SASH1: variants seen among roughly 807,000 people sequenced by gnomAD.
SASH1 encodes SAM and SH3 domain-containing protein 1.
Under a neutral mutation model 125.2 loss-of-function variants are expected in SASH1, and 44 were observed. The ratio of observed to expected loss-of-function variants is 0.35; its 90% CI spans 0.28 to 0.45. The LOEUF (loss-of-function observed/expected upper bound fraction) is 0.45. SASH1 is among the 20% of genes least tolerant of loss of function. SASH1 has a pLI of 1.00. For synonymous variants in SASH1, 639 were observed against 649.1 expected, an observed-to-expected ratio of 0.98 and a Z score of 0.24; for missense variants, 1,426 against 1,614.5, an observed-to-expected ratio of 0.88 and a Z score of 2.00.
intron 2 of SASH1, among the ~76,000 whole-genome samples, chr6:148,410,781 A>G (rs763950105): frequency 6.6e-6 from 1 of 152,202 alleles, no homozygotes; most frequent in Non-Finnish European, 1.5e-5. Context: ...AGTTGTAAGG[A>G]GGACCTCACT....
At chr6:148,408,573 A>G (rs1784474045) in intron 2 of SASH1, among the ~76,000 whole-genome samples, 1 of 152,206 alleles carries the variant, frequency 6.6e-6, no homozygotes, top group Non-Finnish European at 1.5e-5. Flanking sequence ...CATTCTGGAT[A>G]TGAATCCCTT....
the SASH1 span, among the ~76,000 whole-genome samples, chr6:148,244,025 T>C: frequency 6.6e-6 from 1 of 152,224 alleles, no homozygotes; most frequent in African/African-American, 2.4e-5. Context: ...CTGATGAGAT[T>C]GGTTTCTGAG....
chr6:148,390,743 A>G (rs9498033), intron 2 of SASH1, among the ~76,000 whole-genome samples: 10 of 151,512 alleles, frequency 6.6e-5, no homozygotes, highest in Middle Eastern at 6.8e-3. Context: ...AGCCAAGATC[A>G]CGCCACTGCA....
chr6:148,430,320 A>G (rs1776010805), intron 2 of SASH1, among the ~76,000 whole-genome samples: 2 of 152,112 alleles, frequency 1.3e-5, no homozygotes, highest in African/African-American at 2.4e-5. Context: ...TTGTGTTTCC[A>G]TGAAAGATTT....
intron 1 of SASH1, among the ~76,000 whole-genome samples, chr6:148,370,512 T>C (rs964628654): frequency 1.3e-5 from 2 of 152,162 alleles, no homozygotes; most frequent in Non-Finnish European, 2.9e-5. Flanking sequence ...CTTTGGAGTC[T>C]CATGCTTTTT....
Position 148,544,648 on chromosome 6 carries a change from T to G in SASH1, c.3178T>G (p.Trp1060Gly), listed in dbSNP as rs1254556670. ...CCCACCAAGCACAAGGCCGCCCCCC[T>G]GGCTCTCAGAGCTCCCCGAGAACAC... ...GSPPSTRPPP[W>G]LSELPENTSL... is the part of the protein sequence containing the mutation. The change falls in exon 18 of 20, where the codon TGG becomes GGG. Residue 1060 changes from tryptophan (W) to glycine (G), a missense_variant. Transcript: ENST00000367467. This position sits in a 1 kb window ranked among gnomAD's most constrained non-coding sequence, Gnocchi z 6.4. 1.9e-6 allele frequency: 3 copies of G among 1,613,270 alleles called. No individual in the cohort carries two copies. Among genetic ancestry groups the G allele is most frequent in the Non-Finnish European group, 2.5e-6 (3 of 1,179,762 alleles).
At chr6:148,344,755 C>CTT (rs762490919) in intron 1 of SASH1, among the ~76,000 whole-genome samples, 4 of 143,538 alleles carry the variant, frequency 2.8e-5, no homozygotes, top group Middle Eastern at 7.1e-3. Flanking sequence ...TTTTTCTTTT[C>CTT]TTTTTTTTTT....
intron 9 of SASH1, 23 bp downstream of exon 9, chr6:148,514,479 A>AG (rs1279638072): frequency 2.8e-6 from 4 of 1,407,676 alleles, no homozygotes; most frequent in Non-Finnish European, 3.7e-6. Flanking sequence ...AAAAAAAAAA[A>AG]AAAAAAAGGC....
chr6:148,471,308 T>A, intron 5 of SASH1, 109 bp from the exon 6 acceptor site: 1 of 683,226 alleles, frequency 1.5e-6, no homozygotes, highest in South Asian at 2.0e-5. Context: ...GAAATCAAAG[T>A]ATTCCTACCA....
At chr6:148,297,501 A>C (rs898951335) in intron 1 of SASH1, among the ~76,000 whole-genome samples, 4 of 152,352 alleles carry the variant, frequency 2.6e-5, no homozygotes, top group African/African-American at 7.2e-5. Flanking sequence ...TTTTTAACAT[A>C]CATCCATCCT....
intron 8 of SASH1, 164 bp from the exon 9 acceptor site, chr6:148,514,160 G>T: frequency 1.4e-6 from 2 of 1,414,358 alleles, no homozygotes; most frequent in Non-Finnish European, 1.8e-6. Context: ...TCTTAAGATG[G>T]TATGTGGCAC....
chr6:148,211,585 A>G, the SASH1 span, among the ~76,000 whole-genome samples: 2 of 152,120 alleles, frequency 1.3e-5, no homozygotes, highest in African/African-American at 2.4e-5. Flanking sequence ...GGAAAAAAAA[A>G]AAAAGCACTA....
intron 1 of SASH1, among the ~76,000 whole-genome samples, chr6:148,307,051 TC>T (rs2128516618): frequency 7.1e-6 from 1 of 141,314 alleles, no homozygotes; most frequent in Admixed American, 7.2e-5. Context: ...TTTCTTTCTT[TC>T]TTTCTTTCTT....
chr6:148,458,983 TAC>T (rs71004297), intron 4 of SASH1, among the ~76,000 whole-genome samples: 34,361 of 137,604 alleles, frequency 0.25, 4,255 homozygotes, highest in Middle Eastern at 0.39. Flanking sequence ...AAAAAAAGTA[TAC>T]ACACACACAC....
chr6:148,424,244 T>TG lies in SASH1; in HGVS notation c.286-15931dup, dbSNP rs1490192238. ...TCTTGTTCTTCTTCTTTTTTTTTTTTGGGGGGGGGAGGTGGGACAGGGTCT... is the reference window on the plus strand; with the variant it reads ...TCTTGTTCTTCTTCTTTTTTTTTTTTGGGGGGGGGGAGGTGGGACAGGGTCT... On this transcript the variant is annotated intron_variant, in intron 2 of 19. Coordinates refer to ENST00000367467, the MANE Select transcript of SASH1 (RefSeq NM_015278.5). Among the ~76,000 whole-genome samples, 533 of 148,684 alleles carry TG rather than the reference T, an allele frequency of 3.6e-3. 1 individual carries two copies. Among genetic ancestry groups the TG allele is most frequent in the African/African-American group, 9.5e-3 (387 of 40,640 alleles).
At chr6:148,452,656 AGCACACTGCCTGGCAC>A (rs1268702847) in intron 4 of SASH1, among the ~76,000 whole-genome samples, 1 of 152,146 alleles carries the variant, frequency 6.6e-6, no homozygotes, top group Non-Finnish European at 1.5e-5. Context: ...TGAAATGCCC[AGCACACTGCCTGGCAC>A]GCGATAGGTG....
At position 148,449,078 on chromosome 6, in the gene SASH1, C is replaced by CTTTTTCTTTTTTTTTTTTCTTT; in HGVS notation, c.386+8676_386+8677insCTTTTTTTTTTTTCTTTTTTTT. The stretch of plus-strand genomic sequence containing the variant: ...GAGACTGGCTAATTTCATTTCATTT[C>CTTTTTCTTTTTTTTTTTTCTTT]TTTTTTTTTTTTTTTGGAGACAGAG... On this transcript the variant is annotated intron_variant, in intron 4 of 19. Transcript: ENST00000367467. Among the ~76,000 whole-genome samples, 26 of 88,702 alleles carry CTTTTTCTTTTTTTTTTTTCTTT rather than the reference C, an allele frequency of 2.9e-4. 1 individual carries two copies. Among genetic ancestry groups the CTTTTTCTTTTTTTTTTTTCTTT allele is most frequent in the African/African-American group, 1.1e-3 (25 of 23,200 alleles). The allele number at this position is 88,702 out of a possible 152,430, so 58.2% of individuals were successfully genotyped here. A position where few individuals can be genotyped will look rare whatever the true frequency, so the allele number is the denominator to read the frequency against.
intron 1 of SASH1, among the ~76,000 whole-genome samples, chr6:148,326,368 A>T (rs9403940): frequency 5.6e-4 from 29 of 51,964 alleles, no homozygotes; most frequent in East Asian, 5.1e-3. Flanking sequence ...GCATATATAT[A>T]TATATACATT....
intron 4 of SASH1, among the ~76,000 whole-genome samples, chr6:148,447,442 A>G (rs1266653326): frequency 6.6e-6 from 1 of 152,128 alleles, no homozygotes; most frequent in East Asian, 1.9e-4. Context: ...TCTTTTGATA[A>G]TGTCAGCTTT....
Sources: allele counts gnomAD v4.1 joint callset (sites outside exome capture counted in the v4.1 genomes callset), GRCh38; gene constraint gnomAD v4.1.1; non-coding constraint Gnocchi (gnomAD v3.1); transcripts MANE v1.5; gene names NCBI Gene and HGNC (gene_info 2026-07-23, HGNC 2026-07-21).